Variants in NDST3 observed in about 807,000 individuals in gnomAD.
The protein encoded by NDST3 is bifunctional heparan sulfate N-deacetylase/N-sulfotransferase 3.
Under a neutral mutation model 96.1 loss-of-function variants are expected in NDST3, and 58 were observed. That is an observed-to-expected ratio of 0.60 (90% CI 0.49 to 0.75). The LOEUF (loss-of-function observed/expected upper bound fraction) is 0.75. Ranked by LOEUF, NDST3 falls within the 30% of genes least tolerant of loss-of-function variation. The pLI, the probability that NDST3 is intolerant of heterozygous loss-of-function variation, is 0.00. For missense variants in NDST3, 788 were observed against 1,034.2 expected (o/e 0.76, Z 3.27); for synonymous variants, 333 against 359.7 (o/e 0.93, Z 0.84).
At chr4:118,076,582 C>T (rs1186369620) in intron 2 of NDST3, among the ~76,000 whole-genome samples, 2 of 152,188 alleles carry the variant, frequency 1.3e-5, no homozygotes, top group Non-Finnish European at 2.9e-5. Flanking sequence ...TTGGTCTATT[C>T]TGCTGTTAAT....
At chr4:118,190,205 A>C (rs1348518121) in intron 6 of NDST3, among the ~76,000 whole-genome samples, 1 of 152,062 alleles carries the variant, frequency 6.6e-6, no homozygotes, top group African/African-American at 2.4e-5. Flanking sequence ...TCTGAAAGTA[A>C]TTTTGAACTG....
intron 1 of NDST3, among the ~76,000 whole-genome samples, chr4:118,053,311 G>A (rs891088684): frequency 6.6e-6 from 1 of 151,982 alleles, no homozygotes; most frequent in South Asian, 2.1e-4. Context: ...CTGTGCCATC[G>A]ACTTTGCAGA....
chr4:118,240,787 T>G, intron 11 of NDST3, 93 bp downstream of exon 11: 1 of 1,217,102 alleles, frequency 8.2e-7, no homozygotes, highest in Non-Finnish European at 1.1e-6. Context: ...GTTAAACTAT[T>G]ACTAGTTTTT....
In NDST3 at chr4:118,224,641, C is replaced by T; in HGVS notation, c.1690C>T (p.Leu564=). 1 of 1,607,626 alleles carries T rather than the reference C, an allele frequency of 6.2e-7. No individual in the cohort carries two copies. Among genetic ancestry groups the T allele is most frequent in the Non-Finnish European group, 8.5e-7 (1 of 1,176,708 alleles). The change falls in exon 7 of 14, where the codon CTG becomes TTG. Residue 564 remains leucine (L), a synonymous_variant. Transcript: ENST00000296499. ...ACAACTGGCCCACAAGTATTTTGAG[C>T]TGTTTCCTGATCAGAAAGACCCTCT... ...PVQLAHKYFE[L]FPDQKDPLWQ...
rs1733262018 is a variant in NDST3, at chr4:118,138,053, G to A, written c.1225-1G>A. On this transcript the variant is annotated splice_acceptor_variant, in intron 4 of 13. Coordinates refer to ENST00000296499, the MANE Select transcript of NDST3 (RefSeq NM_004784.3). LOFTEE classifies it high-confidence loss of function. ...TCCAATTAACATTTGCTTGGTCTTA[G>A]GAGCACGGCATTCCAACGGACATGG... is the stretch of plus-strand genomic sequence containing the variant. 1 of 1,602,026 alleles carries A rather than the reference G, an allele frequency of 6.2e-7. No individual in the cohort carries two copies. The highest frequency in any genetic ancestry group is 8.5e-7 in the Non-Finnish European group (1 of 1,175,074).
intron 2 of NDST3, among the ~76,000 whole-genome samples, chr4:118,076,887 A>C (rs1727589511): frequency 1.3e-5 from 2 of 152,092 alleles, no homozygotes; most frequent in South Asian, 4.1e-4. Flanking sequence ...GAGTTATCAG[A>C]GTTTGTGCAC....
chr4:118,193,855 C>T (rs1438251960), intron 6 of NDST3: 13 of 1,231,246 alleles, frequency 1.1e-5, no homozygotes, highest in Non-Finnish European at 1.3e-5. Flanking sequence ...TCTGTGTTTC[C>T]TCATTGGAAA....
At chr4:118,150,151 T>G (rs1389546627) in intron 6 of NDST3, among the ~76,000 whole-genome samples, 10 of 151,500 alleles carry the variant, frequency 6.6e-5, no homozygotes, top group Non-Finnish European at 1.3e-4. Flanking sequence ...TGCTGGATTT[T>G]GTTTGCCAGT....
intron 5 of NDST3, among the ~76,000 whole-genome samples, chr4:118,138,613 A>G (rs1303329447): frequency 2.0e-5 from 3 of 152,208 alleles, no homozygotes; most frequent in African/African-American, 7.2e-5. Context: ...TTGACAAGCC[A>G]GTCAAACTGT....
intron 3 of NDST3, among the ~76,000 whole-genome samples, chr4:118,107,386 G>A (rs1258016306): frequency 6.6e-6 from 1 of 151,870 alleles, no homozygotes; most frequent in Non-Finnish European, 1.5e-5. Context: ...TGTATTTTTA[G>A]AAGTTAAAAA....
chr4:118,193,547 G>A (rs745742670), intron 6 of NDST3: 53 of 1,009,562 alleles, frequency 5.2e-5, no homozygotes, highest in Non-Finnish European at 7.8e-5. Context: ...AAACGTGTTG[G>A]CGTAGAGCGT....
intron 6 of NDST3, among the ~76,000 whole-genome samples, chr4:118,205,234 A>G (rs987553918): frequency 2.1e-5 from 3 of 144,464 alleles, no homozygotes; most frequent in Non-Finnish European, 1.5e-5. Context: ...GAGATAGACA[A>G]ATAGATACTC....
intron 4 of NDST3, among the ~76,000 whole-genome samples, chr4:118,117,745 C>T (rs1353587673): frequency 6.6e-6 from 1 of 152,144 alleles, no homozygotes; most frequent in African/African-American, 2.4e-5. Context: ...AATCTTAATG[C>T]TGCATAAATT....
chr4:118,101,473 T>C (rs1729758590), intron 2 of NDST3, among the ~76,000 whole-genome samples: 1 of 152,076 alleles, frequency 6.6e-6, no homozygotes. Context: ...AATTATCATA[T>C]AATTAAGTTG....
chr4:118,157,460 C>G (rs1283400337), intron 6 of NDST3, among the ~76,000 whole-genome samples: 3 of 147,018 alleles, frequency 2.0e-5, no homozygotes. Flanking sequence ...GAGTCTCACT[C>G]TGTTACCAAG....
intron 6 of NDST3, among the ~76,000 whole-genome samples, chr4:118,202,101 T>A (rs993480365): frequency 6.6e-6 from 1 of 152,188 alleles, no homozygotes; most frequent in African/African-American, 2.4e-5. Flanking sequence ...GTGGTAGGTG[T>A]GCATCTTTAT....
At chr4:118,157,400 C>T (rs1560685486) in intron 6 of NDST3, among the ~76,000 whole-genome samples, 1 of 149,176 alleles carries the variant, frequency 6.7e-6, no homozygotes, top group African/African-American at 2.5e-5. Context: ...CACTTCACTA[C>T]GTACATTTTT....
At chr4:118,122,691 C>T (rs377308986) in intron 4 of NDST3, among the ~76,000 whole-genome samples, 1 of 152,056 alleles carries the variant, frequency 6.6e-6, no homozygotes, top group African/African-American at 2.4e-5. Flanking sequence ...ACTCTGTTTC[C>T]GCTGCATGAA....
intron 6 of NDST3, among the ~76,000 whole-genome samples, chr4:118,167,312 TA>T: frequency 6.6e-6 from 1 of 151,756 alleles, no homozygotes; most frequent in Middle Eastern, 3.4e-3. Context: ...CCATTTATAA[TA>T]GCATAAAAAA....
Sources: gnomAD v4.1 joint callset for allele counts (sites outside exome capture counted in the v4.1 genomes callset) on GRCh38, gnomAD v4.1.1 for gene constraint, MANE v1.5 for transcripts, NCBI Gene and HGNC (gene_info 2026-07-23, HGNC 2026-07-21) for gene names.